The following MAEL variants were observed in gnomAD, a reference collection of about 807,000 sequenced individuals.
The protein encoded by MAEL is protein maelstrom homolog.
A neutral mutation model predicts 62.0 loss-of-function variants in MAEL; 46 were observed. The observed-to-expected ratio is 0.74, with a 90% CI of 0.59 to 0.95. The LOEUF (loss-of-function observed/expected upper bound fraction) is 0.95. MAEL is among the 40% of genes least tolerant of loss of function. The probability of loss-of-function intolerance (pLI) is 0.00; values close to 1 mark genes in which losing one functional copy is unlikely to be tolerated. For synonymous variants in MAEL, 172 were observed against 175.5 expected (o/e 0.98, Z 0.16); for missense variants, 497 against 526.8 (o/e 0.94, Z 0.55).
At chr1:167,009,805 G>A (rs1665088331) in intron 8 of MAEL, among the ~76,000 whole-genome samples, 1 of 151,670 alleles carries the variant, frequency 6.6e-6, no homozygotes, top group Non-Finnish European at 1.5e-5. Context: ...TTCAGCCTTG[G>A]GCAGTTGGTA....
rs1221168103 is a variant in MAEL at position 166,989,498 on chromosome 1, G to A, written c.132+14G>A. 2 of 1,579,426 alleles carry A rather than the reference G, an allele frequency of 1.3e-6. No homozygotes were observed. Among genetic ancestry groups the A allele is most frequent in the East Asian group, 2.3e-5 (1 of 43,488 alleles). On this transcript the variant is annotated intron_variant, in intron 1 of 11. Transcript: ENST00000367872. ...TCAGACTGGGCGGTAAGGCTGGAGC[G>A]GAGTGAGAGGGCTGGGCAGGGCAGT...
upstream of MAEL, among the ~76,000 whole-genome samples, chr1:166,986,336 C>G (rs1037562001): frequency 1.3e-5 from 2 of 152,076 alleles, no homozygotes; most frequent in Non-Finnish European, 2.9e-5. Context: ...TATTATAGTT[C>G]AGTCATATCT....
At chr1:166,985,906 C>T (rs1047205433), upstream of MAEL, among the ~76,000 whole-genome samples, 1 of 152,152 alleles carries the variant, frequency 6.6e-6, no homozygotes, top group Non-Finnish European at 1.5e-5. Flanking sequence ...AATTATATTA[C>T]ATGTTGCAAC....
intron 5 of MAEL, among the ~76,000 whole-genome samples, chr1:166,998,432 T>C (rs1322085984): frequency 6.6e-6 from 1 of 152,240 alleles, no homozygotes; most frequent in East Asian, 1.9e-4. Flanking sequence ...TATATTTTGG[T>C]TTTGTCCCAC....
At position 167,005,097 on chromosome 1, in the gene MAEL, A is replaced by G. The variant is rs1226080842; in HGVS notation, c.670A>G (p.Asn224Asp). 6.2e-7 allele frequency: 1 copy of G among 1,613,582 alleles called. No homozygotes were observed. The highest frequency in any genetic ancestry group is 2.2e-5 in the East Asian group (1 of 44,854). The change falls in exon 7 of 12, where the codon AAC (asparagine) becomes GAC (aspartate). Residue 224 changes from asparagine (N) to aspartate (D), a missense_variant. By Grantham distance (23) the Asn-to-Asp change is conservative. Coordinates refer to ENST00000367872, the MANE Select transcript of MAEL (RefSeq NM_032858.3). ...CCAGTCTGATGATAGAACCAGAGTC[A>G]ACTGGTGTTTGAAGCATATGGCAAA... ...YCKSDDRTRV[N>D]WCLKHMAKAS...
intron 5 of MAEL, among the ~76,000 whole-genome samples, chr1:167,003,830 T>G (rs1664777541): frequency 6.6e-6 from 1 of 152,144 alleles, no homozygotes; most frequent in Non-Finnish European, 1.5e-5. Flanking sequence ...GCCTTACTAA[T>G]ACAAAATTTA....
chr1:167,014,564 G>A (rs184583138), intron 8 of MAEL, among the ~76,000 whole-genome samples: 1 of 152,292 alleles, frequency 6.6e-6, no homozygotes, highest in East Asian at 1.9e-4. Context: ...AAAATCATAT[G>A]CAGAAGACAT....
chr1:166,977,878 G>C (rs1033494028), intron 1 of MAEL, among the ~76,000 whole-genome samples: 2 of 152,210 alleles, frequency 1.3e-5, no homozygotes, highest in African/African-American at 4.8e-5. Context: ...TTGAACCTGG[G>C]AGGTTGAGGC....
At position 167,008,764 on chromosome 1, in the gene MAEL, C is replaced by T. The variant is rs900418991; in HGVS notation, c.845+3367C>T. 3.3e-5 allele frequency among the ~76,000 whole-genome samples: 5 copies of T among 151,902 alleles called. 1 individual carries two copies. The highest frequency in any genetic ancestry group is 7.4e-5 in the Non-Finnish European group (5 of 67,934). ...ATTATTGCATGCAATATTTTCATTG[C>T]CATTTTAAATAAATTATGTCATTTT... On this transcript the variant is annotated intron_variant, in intron 8 of 11. Coordinates refer to ENST00000367872, the MANE Select transcript of MAEL (RefSeq NM_032858.3).
upstream of MAEL, among the ~76,000 whole-genome samples, chr1:166,987,350 C>G (rs1255052984): frequency 6.6e-6 from 1 of 152,204 alleles, no homozygotes; most frequent in African/African-American, 2.4e-5. Context: ...TGTCGAATAT[C>G]AATAGCTCAT....
At chr1:167,021,256 A>G (rs1665618795) in intron 11 of MAEL, 96 bp downstream of exon 11, 1 of 848,470 alleles carries the variant, frequency 1.2e-6, no homozygotes, top group Non-Finnish European at 1.9e-6. Flanking sequence ...TATCTAAATT[A>G]GCTTTAGGAT....
intron 5 of MAEL, among the ~76,000 whole-genome samples, chr1:166,995,548 T>C (rs1480435266): frequency 6.6e-6 from 1 of 152,134 alleles, no homozygotes; most frequent in Non-Finnish European, 1.5e-5. Flanking sequence ...CAGTAGTTCC[T>C]TCTTATATAG....
At chr1:166,999,663 A>G (rs776709992) in intron 5 of MAEL, among the ~76,000 whole-genome samples, 4 of 152,242 alleles carry the variant, frequency 2.6e-5, no homozygotes, top group Non-Finnish European at 5.9e-5. Context: ...TTCAACGAAA[A>G]TGAAACCACC....
upstream of MAEL, chr1:166,989,044 T>C (rs899036352): frequency 8.5e-6 from 3 of 352,238 alleles, no homozygotes; most frequent in Non-Finnish European, 1.6e-5. Flanking sequence ...TACGCAATAA[T>C]GTACAGAAAT....
exon 1 of MAEL, chr1:166,975,584 C>A: frequency 6.6e-6 from 1 of 150,986 alleles, no homozygotes; most frequent in South Asian, 1.9e-4. Flanking sequence ...GCCGCCGCAC[C>A]GCCTCCCGCG....
intron 1 of MAEL, among the ~76,000 whole-genome samples, chr1:166,980,083 C>A (rs557775972): frequency 6.6e-6 from 1 of 152,152 alleles, no homozygotes; most frequent in Admixed American, 6.5e-5. Flanking sequence ...ATGGTGCCAT[C>A]GTAGCTCACT....
chr1:167,001,193 A>C (rs1664647261), intron 5 of MAEL, among the ~76,000 whole-genome samples: 1 of 152,204 alleles, frequency 6.6e-6, no homozygotes, highest in Non-Finnish European at 1.5e-5. Flanking sequence ...CTCACTCATA[A>C]ATGGGAGCTG....
chr1:166,995,136 A>G (rs1464422048), intron 5 of MAEL, among the ~76,000 whole-genome samples: 1 of 152,128 alleles, frequency 6.6e-6, no homozygotes, highest in Non-Finnish European at 1.5e-5. Context: ...ATTTGGTTGT[A>G]TATTTTGAAT....
rs189456515 is a variant in MAEL, at chr1:166,995,360, C to T, written c.523+1291C>T. The stretch of plus-strand genomic sequence containing the variant: ...GGTTCAAGCAATTCTCCTGCCTCGC[C>T]TCCCAAGTAGCTGGGATTACAGGCA... On this transcript the variant is annotated intron_variant, in intron 5 of 11. Coordinates refer to ENST00000367872, the MANE Select transcript of MAEL (RefSeq NM_032858.3). Among the ~76,000 whole-genome samples the T allele has an allele frequency of 1.8e-3, 279 of 152,078 alleles. 2 individuals carry two copies. The highest frequency in any genetic ancestry group is 0.011 in the South Asian group (54 of 4,818).
Sources: gnomAD v4.1 joint callset for allele counts (sites outside exome capture counted in the v4.1 genomes callset) on GRCh38, gnomAD v4.1.1 for gene constraint, MANE v1.5 for transcripts, NCBI Gene and HGNC (gene_info 2026-07-23, HGNC 2026-07-21) for gene names.